PDCD4: variants seen among roughly 807,000 people sequenced by gnomAD.
PDCD4 encodes programmed cell death protein 4.
PDCD4 carries 56 observed loss-of-function variants against 54.0 expected under a neutral mutation model. That is an observed-to-expected ratio of 1.04 (90% CI 0.84 to 1.30). The LOEUF is 1.30. Among genes scored for constraint, PDCD4 ranks in the 50% most tolerant of loss-of-function variants. The pLI, the probability that PDCD4 is intolerant of heterozygous loss-of-function variation, is 0.00. For missense variants in PDCD4, 584 were observed against 559.8 expected (o/e 1.04, Z -0.44); for synonymous variants, 186 against 194.8 (o/e 0.95, Z 0.37).
At chr10:110,878,771 AG>A (rs1845545709) in intron 2 of PDCD4, among the ~76,000 whole-genome samples, 1 of 152,170 alleles carries the variant, frequency 6.6e-6, no homozygotes. Context: ...GAGGATAAAC[AG>A]TTTCTTTCTA....
chr10:110,872,934 A>AG (rs1845443791), intron 1 of PDCD4, among the ~76,000 whole-genome samples: 1 of 152,172 alleles, frequency 6.6e-6, no homozygotes, highest in South Asian at 2.1e-4. Flanking sequence ...GTAGCCAGCA[A>AG]CTGTGTAGTG....
chr10:110,895,421 A>G (rs1437601530), intron 10 of PDCD4, among the ~76,000 whole-genome samples: 1 of 152,034 alleles, frequency 6.6e-6, no homozygotes, highest in Admixed American at 6.6e-5. Flanking sequence ...GTTCTTTTTT[A>G]TGGCTATGTA....
intron 3 of PDCD4, among the ~76,000 whole-genome samples, chr10:110,882,746 T>C (rs1845610599): frequency 6.6e-6 from 1 of 152,202 alleles, no homozygotes; most frequent in Admixed American, 6.5e-5. Context: ...TTTTTTTATC[T>C]TTATTTGTTT....
intron 2 of PDCD4, chr10:110,876,604 A>G (rs904418708): frequency 8.6e-6 from 4 of 463,928 alleles, no homozygotes; most frequent in Non-Finnish European, 1.5e-5. Context: ...GATTTCTGTA[A>G]TATAAACTTA....
Position 110,887,725 on chromosome 10 carries a change from T to A in PDCD4, c.616T>A (p.Ser206Thr). 6.2e-7 allele frequency: 1 copy of A among 1,613,578 alleles called. No individual in the cohort carries two copies. Among genetic ancestry groups the A allele is most frequent in the African/African-American group, 1.3e-5 (1 of 75,022 alleles). ...MKSGVPVLAV[S>T]LALEGKASHR... ...AAGTGGAGTACCAGTGTTGGCAGTA[T>A]CCTTAGCATTGGAGGGGAAGGCTAG... is the stretch of plus-strand genomic sequence containing the variant. Residue 206 changes from serine (S) to threonine (T), a missense_variant, in exon 6 of 12, where the codon TCC (serine) becomes ACC (threonine). Physicochemically the swap from Ser to Thr is moderately conservative, Grantham distance 58. Transcript: ENST00000280154.
Position 110,896,107 on chromosome 10 carries a change from C to G in PDCD4, c.1349+20C>G. ...TTCAAGGTACTTTATTTAAATACTA[C>G]TTTCTCAATGTAAAATAGTGGATGA... On this transcript the variant is annotated intron_variant, in intron 11 of 11. Transcript: ENST00000280154. The G allele has an allele frequency of 6.5e-7, 1 of 1,548,972 alleles. No homozygotes were observed. The highest frequency in any genetic ancestry group is 8.8e-7 in the Non-Finnish European group (1 of 1,137,374).
At position 110,899,116 on chromosome 10, in the gene PDCD4, C is replaced by G. The variant is rs537866454; in HGVS notation, c.*1028C>G. On this transcript the variant is annotated 3_prime_UTR_variant, in exon 12 of 12. Transcript: ENST00000280154. ...TACCTAATGTATGAGAAAATATTAC[C>G]AATTAACAATAAAGAATGATCATAT... 1.3e-5 allele frequency: 2 copies of G among 152,262 alleles called. No homozygotes were observed. Among genetic ancestry groups the G allele is most frequent in the African/African-American group, 4.8e-5 (2 of 41,562 alleles). 9.4% of individuals were successfully genotyped at this position (152,262 alleles called of 1,614,324 possible). A position where few individuals can be genotyped will look rare whatever the true frequency, so the allele number is the denominator to read the frequency against.
chr10:110,878,349 A>G (rs1282072627), intron 2 of PDCD4, among the ~76,000 whole-genome samples: 1 of 152,228 alleles, frequency 6.6e-6, no homozygotes, highest in African/African-American at 2.4e-5. Context: ...AAACTCGATT[A>G]TGGGAAATAG....
Position 110,890,566 on chromosome 10 carries a change from G to GA in PDCD4, c.887dup (p.Asp296GlufsTer2). The GA allele has an allele frequency of 6.2e-7, 1 of 1,610,332 alleles. No homozygotes were observed. Among genetic ancestry groups the GA allele is most frequent in the East Asian group, 2.2e-5 (1 of 44,814 alleles). On this transcript the variant is annotated frameshift_variant, in exon 8 of 12. Transcript: ENST00000280154. LOFTEE classifies it high-confidence loss of function. ...TTTCTTTCTCTGTAGAGCTGCTCTGGATAAGGCTACCGTGCTTCTGAGTAT... is the reference window on the plus strand; with the variant it reads ...TTTCTTTCTCTGTAGAGCTGCTCTGGAATAAGGCTACCGTGCTTCTGAGTAT...
chr10:110,891,781 C>T (rs1276722747), intron 8 of PDCD4, among the ~76,000 whole-genome samples: 1 of 151,850 alleles, frequency 6.6e-6, no homozygotes, highest in African/African-American at 2.4e-5. Flanking sequence ...TTTGTAATGT[C>T]GTGATTGCAG....
chr10:110,895,051 C>T (rs1358560785), intron 10 of PDCD4, among the ~76,000 whole-genome samples: 3 of 151,742 alleles, frequency 2.0e-5, no homozygotes, highest in African/African-American at 7.3e-5. Flanking sequence ...AGCTATGTAA[C>T]CAGTTTTACT....
chr10:110,891,730 C>G (rs937178226), intron 8 of PDCD4, among the ~76,000 whole-genome samples: 1 of 152,026 alleles, frequency 6.6e-6, no homozygotes, highest in Non-Finnish European at 1.5e-5. Flanking sequence ...AGAGCCTTGA[C>G]TGTTTTTGCT....
At chr10:110,872,536 C>T (rs1243643094) in intron 1 of PDCD4, among the ~76,000 whole-genome samples, 3 of 152,194 alleles carry the variant, frequency 2.0e-5, no homozygotes, top group African/African-American at 7.2e-5. Context: ...TCGGCCCCGG[C>T]CCAGCCCCTT....
intron 11 of PDCD4, among the ~76,000 whole-genome samples, chr10:110,896,757 T>C (rs2134008026): frequency 6.6e-6 from 1 of 152,322 alleles, no homozygotes; most frequent in South Asian, 2.1e-4. Context: ...TGGGTCAGTT[T>C]TATATAATCT....
At chr10:110,885,232 T>G (rs1328234866) in intron 4 of PDCD4, 21 bp from the exon 5 acceptor site, 2 of 1,111,586 alleles carry the variant, frequency 1.8e-6, no homozygotes, top group East Asian at 2.4e-5. Context: ...TTATAACTCT[T>G]ACTCCCTTTT....
chr10:110,890,532 T>A lies in PDCD4; in HGVS notation c.876-24T>A, dbSNP rs748432579. ...CTTTAGGTATGTCCAGCTATCAAACTTAAATTTTTTTCTTTCTCTGTAGAG... is the reference window on the plus strand; with the variant it reads ...CTTTAGGTATGTCCAGCTATCAAACATAAATTTTTTTCTTTCTCTGTAGAG... On this transcript the variant is annotated intron_variant, in intron 7 of 11. Transcript: ENST00000280154. The A allele has an allele frequency of 2.2e-5, 32 of 1,473,694 alleles. 1 individual carries two copies. The East Asian group carries it at 7.4e-4, about 34-fold the overall frequency. 91.3% of individuals were successfully genotyped at this position (1,473,694 alleles called of 1,614,324 possible). A position where few individuals can be genotyped will look rare whatever the true frequency, so the allele number is the denominator to read the frequency against.
At chr10:110,896,122 A>G (rs1438456312) in intron 11 of PDCD4, 35 bp downstream of exon 11, 3 of 1,487,290 alleles carry the variant, frequency 2.0e-6, no homozygotes, top group Non-Finnish European at 2.8e-6. Flanking sequence ...TCAATGTAAA[A>G]TAGTGGATGA....
Position 110,885,331 on chromosome 10 carries a change from G to T in PDCD4, c.520G>T (p.Glu174Ter). ...FEKTLTPIIQ[E>*]YFEHGDTNEV... ...GAAGACTTTAACACCAATCATACAG[G>T]AATATTTTGAGCATGGAGATACTAA... Residue 174 changes from glutamate (E) to a stop codon, truncating the protein, a stop_gained, in exon 5 of 12, where the codon GAA (glutamate) becomes TAA (stop). Transcript: ENST00000280154. LOFTEE classifies it high-confidence loss of function. 1 of 1,588,668 alleles carries T rather than the reference G, an allele frequency of 6.3e-7. No individual in the cohort carries two copies. Among genetic ancestry groups the T allele is most frequent in the Non-Finnish European group, 8.6e-7 (1 of 1,160,320 alleles).
intron 11 of PDCD4, 120 bp from the exon 12 acceptor site, chr10:110,897,908 A>T: frequency 1.9e-6 from 1 of 529,626 alleles, no homozygotes; most frequent in Non-Finnish European, 3.2e-6. Context: ...TTTTTTTTTA[A>T]TGGAAAACCC....
Sources: allele counts gnomAD v4.1 joint callset (sites outside exome capture counted in the v4.1 genomes callset), GRCh38; gene constraint gnomAD v4.1.1; transcripts MANE v1.5; gene names NCBI Gene and HGNC (gene_info 2026-07-23, HGNC 2026-07-21).